The following ZMAT4 variants were observed in gnomAD, a reference collection of about 807,000 sequenced individuals.
ZMAT4 encodes the protein zinc finger matrin-type 4, also known as zinc finger matrin-type protein 4.
Under a neutral mutation model 28.7 loss-of-function variants are expected in ZMAT4, and 17 were observed. That is an observed-to-expected ratio of 0.59 (90% CI 0.41 to 0.89). The LOEUF is 0.89. Ranked by LOEUF, ZMAT4 falls within the 40% of genes least tolerant of loss-of-function variation. The pLI is 0.00. For missense variants in ZMAT4, 240 were observed against 283.8 expected, an observed-to-expected ratio of 0.85 and a Z score of 1.11; for synonymous variants, 117 against 109.2, an observed-to-expected ratio of 1.07 and a Z score of -0.44.
In ZMAT4 at chr8:40,642,199, T is replaced by C. The variant is rs1413323913; in HGVS notation, c.577+32505A>G. ...TGTACGCAGGTTAAAAGAGTTGTTA[T>C]CTGAAATTCAAATTCAATTAGTCAT... On this transcript the variant is annotated intron_variant, in intron 5 of 6. Transcript: ENST00000297737. Among the ~76,000 whole-genome samples the C allele has an allele frequency of 3.9e-5, 6 of 152,184 alleles. No homozygotes were observed. The East Asian group carries it at 1.2e-3, about 29-fold the overall frequency.
intron 1 of ZMAT4, among the ~76,000 whole-genome samples, chr8:40,855,779 A>C (rs963437638): frequency 4.6e-5 from 7 of 151,768 alleles, no homozygotes; most frequent in African/African-American, 1.7e-4. Flanking sequence ...GGGCTCAAGC[A>C]ATCTTCTCAC....
chr8:40,737,232 C>T (rs776033665), intron 3 of ZMAT4, among the ~76,000 whole-genome samples: 21 of 151,356 alleles, frequency 1.4e-4, no homozygotes, highest in African/African-American at 3.6e-4. Flanking sequence ...TTTTTTAGCT[C>T]GTCAGCTATC....
chr8:40,778,519 A>G (rs1813697652), intron 2 of ZMAT4, among the ~76,000 whole-genome samples: 2 of 152,240 alleles, frequency 1.3e-5, no homozygotes, highest in Admixed American at 6.5e-5. Flanking sequence ...ATAATACTGT[A>G]GAAAAATAGG....
At chr8:40,851,129 C>G (rs1321959117) in intron 1 of ZMAT4, among the ~76,000 whole-genome samples, 1 of 152,100 alleles carries the variant, frequency 6.6e-6, no homozygotes, top group Non-Finnish European at 1.5e-5. Context: ...GATTTCGAGA[C>G]CAGCCTGGCC....
At chr8:40,651,457 G>T (rs1807645892) in intron 5 of ZMAT4, among the ~76,000 whole-genome samples, 1 of 151,394 alleles carries the variant, frequency 6.6e-6, no homozygotes, top group African/African-American at 2.4e-5. Flanking sequence ...AACATTCCAT[G>T]CTCATGGGTA....
At chr8:40,593,712 A>G (rs997100967) in intron 5 of ZMAT4, among the ~76,000 whole-genome samples, 2 of 152,198 alleles carry the variant, frequency 1.3e-5, no homozygotes, top group African/African-American at 4.8e-5. Context: ...GAGTCGTTAA[A>G]AGAAGATGCT....
chr8:40,787,228 A>G (rs1346511252), intron 2 of ZMAT4, among the ~76,000 whole-genome samples: 1 of 152,192 alleles, frequency 6.6e-6, no homozygotes, highest in Non-Finnish European at 1.5e-5. Context: ...TAAAACTAGA[A>G]AAAGAACAGT....
chr8:40,585,377 C>A (rs1279102920), intron 5 of ZMAT4, among the ~76,000 whole-genome samples: 2 of 152,028 alleles, frequency 1.3e-5, no homozygotes, highest in Admixed American at 6.6e-5. Context: ...TGGATGCATC[C>A]TCCAGTGATC....
intron 2 of ZMAT4, among the ~76,000 whole-genome samples, chr8:40,795,382 T>C (rs1311632050): frequency 6.6e-6 from 1 of 152,210 alleles, no homozygotes; most frequent in Non-Finnish European, 1.5e-5. Context: ...AATTAAAAGC[T>C]GTACTGGATC....
chr8:40,593,436 C>T (rs532838304), intron 5 of ZMAT4, among the ~76,000 whole-genome samples: 31 of 152,352 alleles, frequency 2.0e-4, no homozygotes, highest in Middle Eastern at 6.8e-3. Flanking sequence ...TTTGCAGTGG[C>T]ATCTCTTCCA....
chr8:40,674,992 C>T, intron 4 of ZMAT4, 61 bp from the exon 5 acceptor site: 1 of 1,323,862 alleles, frequency 7.6e-7, no homozygotes, highest in Non-Finnish European at 1.1e-6. Flanking sequence ...GTCCACTCTT[C>T]CTCAATACCC....
intron 5 of ZMAT4, among the ~76,000 whole-genome samples, chr8:40,596,292 A>G (rs1286811111): frequency 6.6e-6 from 1 of 152,190 alleles, no homozygotes; most frequent in East Asian, 1.9e-4. Context: ...CGCTTAGGCT[A>G]CGCTAAATTT....
intron 6 of ZMAT4, among the ~76,000 whole-genome samples, chr8:40,537,158 A>G (rs916438213): frequency 3.3e-5 from 5 of 152,188 alleles, no homozygotes; most frequent in African/African-American, 1.2e-4. Context: ...AAGAGAGATC[A>G]TTAAGATGTT....
intron 3 of ZMAT4, among the ~76,000 whole-genome samples, chr8:40,735,717 A>G (rs1186000680): frequency 6.6e-6 from 1 of 152,180 alleles, no homozygotes; most frequent in Non-Finnish European, 1.5e-5. Context: ...AGTGTATTCA[A>G]TAGTCTCTGT....
chr8:40,694,009 T>C (rs1453922684), intron 4 of ZMAT4, among the ~76,000 whole-genome samples: 1 of 152,226 alleles, frequency 6.6e-6, no homozygotes, highest in Non-Finnish European at 1.5e-5. Context: ...GCAGCATACC[T>C]GAGCAAAATT....
At chr8:40,793,062 C>T (rs990828015) in intron 2 of ZMAT4, among the ~76,000 whole-genome samples, 1 of 152,006 alleles carries the variant, frequency 6.6e-6, no homozygotes, top group Non-Finnish European at 1.5e-5. Context: ...AAAGATATAA[C>T]ACAAAGAGTG....
chr8:40,684,861 C>T (rs889185566), intron 4 of ZMAT4, among the ~76,000 whole-genome samples: 2 of 152,052 alleles, frequency 1.3e-5, no homozygotes, highest in Non-Finnish European at 2.9e-5. Context: ...GAGTGGAATG[C>T]CTGTGTCTAT....
At chr8:40,707,290 G>T (rs1810403312) in intron 3 of ZMAT4, among the ~76,000 whole-genome samples, 1 of 136,382 alleles carries the variant, frequency 7.3e-6, no homozygotes, top group Non-Finnish European at 1.5e-5. Context: ...TCAATTATTT[G>T]GGCTGAAAAG....
intron 5 of ZMAT4, among the ~76,000 whole-genome samples, chr8:40,641,433 G>A (rs1807022005): frequency 6.6e-6 from 1 of 152,090 alleles, no homozygotes. Flanking sequence ...AGATTTTTTT[G>A]CACACTTTAA....
Sources: allele counts gnomAD v4.1 joint callset (sites outside exome capture counted in the v4.1 genomes callset), GRCh38; gene constraint gnomAD v4.1.1; transcripts MANE v1.5; gene names NCBI Gene and HGNC (gene_info 2026-07-23, HGNC 2026-07-21).